The following PRRC2B variants were observed in gnomAD, a reference collection of about 807,000 sequenced individuals.
The protein encoded by PRRC2B is proline rich coiled-coil 2B, also known as protein PRRC2B.
Under a neutral mutation model 242.3 loss-of-function variants are expected in PRRC2B, and 68 were observed. The observed-to-expected ratio is 0.28, with a 90% CI of 0.23 to 0.34. The LOEUF is 0.34. Among genes scored for constraint, PRRC2B ranks in the 10% least tolerant of loss-of-function variants. PRRC2B has a pLI of 1.00. For missense variants in PRRC2B, 2,835 were observed against 2,954.8 expected (o/e 0.96, Z 0.94); for synonymous variants, 1,228 against 1,173.6 (o/e 1.05, Z -0.95).
intron 1 of PRRC2B, among the ~76,000 whole-genome samples, chr9:131,410,530 A>C (rs1837481192): frequency 6.6e-6 from 1 of 152,152 alleles, no homozygotes; most frequent in Admixed American, 6.5e-5. Context: ...CTGCCCAAGT[A>C]AGTCTGGATG....
At chr9:131,412,792 T>C (rs1837539170) in intron 1 of PRRC2B, among the ~76,000 whole-genome samples, 2 of 105,648 alleles carry the variant, frequency 1.9e-5, no homozygotes, top group Non-Finnish European at 4.1e-5. Context: ...GCATTCTCTC[T>C]CTCTCTTTTT....
Position 131,498,321 on chromosome 9 carries a change from GA to G in PRRC2B, c.*2449del, listed in dbSNP as rs1166273908. ...ACTGCTCTATTTATATATAATGTCT[GA>G]ATTAATTCTGTGCAGGAAAGGCCAG... is the stretch of plus-strand genomic sequence containing the variant. On this transcript the variant is annotated 3_prime_UTR_variant, in exon 32 of 32. Coordinates refer to ENST00000683519, the MANE Select transcript of PRRC2B (RefSeq NM_013318.4). 1.3e-5 allele frequency: 2 copies of G among 152,152 alleles called. No individual in the cohort carries two copies. Among genetic ancestry groups the G allele is most frequent in the African/African-American group, 4.8e-5 (2 of 41,438 alleles). 9.4% of individuals were successfully genotyped at this position (152,152 alleles called of 1,614,324 possible). A position where few individuals can be genotyped will look rare whatever the true frequency, so the allele number is the denominator to read the frequency against.
At chr9:131,449,363 C>CTTT (rs149956804) in intron 9 of PRRC2B, among the ~76,000 whole-genome samples, 1 of 147,062 alleles carries the variant, frequency 6.8e-6, no homozygotes, top group Admixed American at 6.8e-5. Flanking sequence ...TGGTGTTCAT[C>CTTT]TTTTTTTTTT....
chr9:131,393,231 A>G (rs1415134536), upstream of PRRC2B, among the ~76,000 whole-genome samples: 1 of 152,234 alleles, frequency 6.6e-6, no homozygotes, highest in Non-Finnish European at 1.5e-5. Flanking sequence ...AGCATAGGGC[A>G]TGGCCCGCAG....
At chr9:131,485,221 C>G in intron 25 of PRRC2B, 81 bp downstream of exon 25, 1 of 1,186,766 alleles carries the variant, frequency 8.4e-7, no homozygotes, top group Non-Finnish European at 1.2e-6. Flanking sequence ...CCGAATGTCA[C>G]CTCCTGGCCT....
chr9:131,484,977 C>T lies in PRRC2B; in HGVS notation c.5595C>T (p.Asn1865=), dbSNP rs1220283151. Residue 1865 remains asparagine, a synonymous_variant, in exon 25 of 32, where the codon AAC becomes AAT. Transcript: ENST00000683519. Reference sequence around the variant, plus strand: ...AGTCTGCGCGCAAGGCTTGGGAAAACTCCCCCAGTTTGCCGGAGCAGAGCT... The same window carrying T: ...AGTCTGCGCGCAAGGCTTGGGAAAATTCCCCCAGTTTGCCGGAGCAGAGCT... ...KMESARKAWE[N]SPSLPEQSSP... 8.1e-6 allele frequency: 13 copies of T among 1,613,228 alleles called. No individual in the cohort carries two copies. The highest frequency in any genetic ancestry group is 1.1e-5 in the Non-Finnish European group (13 of 1,179,516).
At chr9:131,432,039 C>G (rs1167218996) in intron 2 of PRRC2B, among the ~76,000 whole-genome samples, 1 of 152,046 alleles carries the variant, frequency 6.6e-6, no homozygotes, top group Non-Finnish European at 1.5e-5. Flanking sequence ...AGCGATCTAC[C>G]CACCTCGGCC....
intron 4 of PRRC2B, among the ~76,000 whole-genome samples, chr9:131,437,214 A>G (rs1179766990): frequency 6.6e-6 from 1 of 152,192 alleles, no homozygotes; most frequent in Non-Finnish European, 1.5e-5. Context: ...TGACTCTCTG[A>G]GAAGAGGATA....
At chr9:131,381,323 C>T (rs1381650970) in intron 1 of PRRC2B, among the ~76,000 whole-genome samples, 1 of 152,004 alleles carries the variant, frequency 6.6e-6, no homozygotes, top group East Asian at 1.9e-4. Context: ...GCTTTGAGAG[C>T]TGCCTCTTTT....
intron 1 of PRRC2B, among the ~76,000 whole-genome samples, chr9:131,418,653 A>T (rs983003712): frequency 6.6e-6 from 1 of 152,196 alleles, no homozygotes; most frequent in African/African-American, 2.4e-5. Context: ...GGTGTAAACA[A>T]TGGCACTGCC....
rs971460110 is a variant in PRRC2B at position 131,487,173 on chromosome 9, G to A, written c.5863G>A (p.Ala1955Thr). The A allele has an allele frequency of 4.0e-5, 65 of 1,613,364 alleles. No individual in the cohort carries two copies. The highest frequency in any genetic ancestry group is 5.0e-5 in the Non-Finnish European group (59 of 1,179,668). Residue 1955 changes from alanine (A) to threonine (T), a missense_variant, in exon 27 of 32, where the codon GCT becomes ACT. Around this residue, in one of 7 missense-constraint regions of PRRC2B, gnomAD observed 574 missense variants for 626.0 expected, o/e 0.92. Coordinates refer to ENST00000683519, the MANE Select transcript of PRRC2B (RefSeq NM_013318.4). The surrounding 1 kb of genome is among the most constrained non-coding windows in gnomAD (Gnocchi z 5.3). ...PQQQSYQQAA[A>T]AQQIPISLHT... The stretch of plus-strand genomic sequence containing the variant: ...CCCGTTTTCCCGTTCACAGGCCGCC[G>A]CTGCCCAGCAGATCCCGATCTCCCT...
rs151107386 is a variant in PRRC2B at position 131,444,104 on chromosome 9, G to C, written c.470-81G>C. On this transcript the variant is annotated intron_variant, in intron 5 of 31. Coordinates refer to ENST00000683519, the MANE Select transcript of PRRC2B (RefSeq NM_013318.4). ...CAAAAGCCCACTTCCAGGCAACACG[G>C]CTTTCAAGGTGTGGAGCTGGGAAGC... 3.2e-4 allele frequency: 484 copies of C among 1,524,306 alleles called. 2 individuals are homozygous for C. In the African/African-American group the frequency reaches 6.0e-3, roughly 19 times the overall value. The allele number at this position is 1,524,306 out of a possible 1,614,324, so 94.4% of individuals were successfully genotyped here.
rs1564278556 is a variant in PRRC2B, at chr9:131,420,475, TTCTTTCTTTCTTTCTTTC to T, written c.-51-9617_-51-9600del. 1.9e-3 allele frequency among the ~76,000 whole-genome samples: 27 copies of T among 14,052 alleles called. 2 individuals are homozygous for T. Among genetic ancestry groups the T allele is most frequent in the African/African-American group, 4.0e-3 (26 of 6,466 alleles). The allele number at this position is 14,052 out of a possible 152,430, so 9.2% of individuals were successfully genotyped here. On this transcript the variant is annotated intron_variant, in intron 1 of 31. Coordinates refer to ENST00000683519, the MANE Select transcript of PRRC2B (RefSeq NM_013318.4). ...TCTTTTTCTTTCTTTCTTTCTTTCT[TTCTTTCTTTCTTTCTTTC>T]TTTTTTTTTTTTTTTTTGAGATGGA...
At chr9:131,469,294 A>G (rs969060566) in intron 13 of PRRC2B, among the ~76,000 whole-genome samples, 1 of 152,166 alleles carries the variant, frequency 6.6e-6, no homozygotes, top group African/African-American at 2.4e-5. Context: ...TGGTCGCACC[A>G]CTGCCTTCCA....
At chr9:131,454,799 C>T (rs755027836) in intron 9 of PRRC2B, among the ~76,000 whole-genome samples, 140 of 152,110 alleles carry the variant, frequency 9.2e-4, no homozygotes, top group Non-Finnish European at 8.8e-4. Context: ...CCATGCCCGA[C>T]TAATTTTTGT....
chr9:131,434,295 C>T (rs1402296148), intron 3 of PRRC2B, among the ~76,000 whole-genome samples: 1 of 152,256 alleles, frequency 6.6e-6, no homozygotes, highest in Non-Finnish European at 1.5e-5. Flanking sequence ...ATCCTCTGCA[C>T]CACCAAAAGT....
In PRRC2B at chr9:131,473,547, G is replaced by A. The variant is rs1943600777; in HGVS notation, c.2147G>A (p.Gly716Glu). The A allele has an allele frequency of 1.9e-6, 3 of 1,609,004 alleles. No individual in the cohort carries two copies. In the South Asian group the frequency reaches 3.3e-5, roughly 18 times the overall value. Residue 716 changes from glycine to glutamate, a missense_variant, in exon 15 of 32, where the codon GGG (glycine) becomes GAG (glutamate). Gly to Glu is a moderately conservative substitution (Grantham distance 98, BLOSUM62 -2). Transcript: ENST00000683519. Reference sequence around the variant, plus strand: ...ATGATGCCCCAGGAGTCCCTCAATGGGACAGGCTGTCGCTCTGAGGATCAG... The same window carrying A: ...ATGATGCCCCAGGAGTCCCTCAATGAGACAGGCTGTCGCTCTGAGGATCAG... ...KPMMPQESLN[G>E]TGCRSEDQNC...
chr9:131,387,371 A>G (rs1836839571), intron 1 of PRRC2B, among the ~76,000 whole-genome samples: 1 of 143,782 alleles, frequency 7.0e-6, no homozygotes, highest in Admixed American at 7.8e-5. Flanking sequence ...TGTGCCCACC[A>G]GATTAAGGGT....
intron 1 of PRRC2B, among the ~76,000 whole-genome samples, chr9:131,387,014 C>T (rs517262): frequency 0.61 from 89,916 of 147,678 alleles, 30,023 homozygotes; most frequent in East Asian, 0.89. Flanking sequence ...TTCTTTCTTT[C>T]TTTTTTGAGA....
Sources: allele counts gnomAD v4.1 joint callset (sites outside exome capture counted in the v4.1 genomes callset), GRCh38; gene constraint gnomAD v4.1.1; regional missense constraint gnomAD v4.1.1; non-coding constraint Gnocchi (gnomAD v3.1); transcripts MANE v1.5; gene names NCBI Gene and HGNC (gene_info 2026-07-23, HGNC 2026-07-21).